Variants in MTA3 observed in about 807,000 individuals in gnomAD.
MTA3 encodes metastasis associated 1 family member 3.
MTA3 carries 34 observed loss-of-function variants against 83.5 expected under a neutral mutation model. The ratio of observed to expected loss-of-function variants is 0.41; its 90% CI spans 0.31 to 0.54. The LOEUF (loss-of-function observed/expected upper bound fraction) is 0.54. MTA3 is among the 20% of genes least tolerant of loss of function. MTA3 has a pLI of 0.33. For synonymous variants in MTA3, 303 were observed against 252.7 expected, an observed-to-expected ratio of 1.20 and a Z score of -1.89; for missense variants, 761 against 726.4, an observed-to-expected ratio of 1.05 and a Z score of -0.55.
intron 4 of MTA3, among the ~76,000 whole-genome samples, chr2:42,627,129 T>C (rs555559705): frequency 2.0e-5 from 3 of 152,180 alleles, no homozygotes; most frequent in East Asian, 1.9e-4. Context: ...TAGGCTGGAG[T>C]GCAGTGGCAC....
In MTA3 at chr2:42,756,592, C is replaced by G; in HGVS notation, c.*3193C>G. ...GCTGCCCCGTGGGTGTTTGGAGATT[C>G]TGTTTTACTCTGCCTAGAGAGGAAA... On this transcript the variant is annotated 3_prime_UTR_variant, in exon 17 of 17. Transcript: ENST00000405094. 1.0e-6 allele frequency: 1 copy of G among 985,628 alleles called. No individual in the cohort carries two copies. The highest frequency in any genetic ancestry group is 1.2e-6 in the Non-Finnish European group (1 of 830,066). The allele number at this position is 985,628 out of a possible 1,614,324, so 61.1% of individuals were successfully genotyped here.
chr2:42,602,891 T>C (rs765736010), intron 3 of MTA3, among the ~76,000 whole-genome samples: 82 of 152,294 alleles, frequency 5.4e-4, no homozygotes, highest in Non-Finnish European at 9.3e-4. Flanking sequence ...CCGTTCAGAC[T>C]GATTTCTTCA....
intron 9 of MTA3, among the ~76,000 whole-genome samples, chr2:42,691,785 A>T (rs970785698): frequency 7.2e-5 from 11 of 152,158 alleles, no homozygotes; most frequent in Admixed American, 6.5e-5. Context: ...TTTTCACTGG[A>T]TATACTATTC....
At chr2:42,741,192 CCT>C (rs1669003198) in intron 16 of MTA3, among the ~76,000 whole-genome samples, 1 of 152,344 alleles carries the variant, frequency 6.6e-6, no homozygotes, top group South Asian at 2.1e-4. Context: ...AGCTTCCTCA[CCT>C]CTCTCAGTCT....
chr2:42,519,031 G>T (rs965977253), intron 2 of MTA3, among the ~76,000 whole-genome samples: 1 of 126,150 alleles, frequency 7.9e-6, no homozygotes, highest in African/African-American at 2.9e-5. Context: ...ACACACACAC[G>T]AATATAGTAT....
At chr2:42,709,396 A>G in intron 14 of MTA3, 1 of 941,946 alleles carries the variant, frequency 1.1e-6, no homozygotes, top group Non-Finnish European at 1.4e-6. Context: ...TTGCCTGCAG[A>G]GCCCTTATTG....
At position 42,572,053 on chromosome 2, in the gene MTA3, G is replaced by A. The variant is rs1475256512; in HGVS notation, c.96+1549G>A. ...AGCACTTTGGGAGGCCAAGGCAGGCGGATCACGGGGTCAGGAGATCGAGAC... is the reference window on the plus strand; with the variant it reads ...AGCACTTTGGGAGGCCAAGGCAGGCAGATCACGGGGTCAGGAGATCGAGAC... On this transcript the variant is annotated intron_variant, in intron 2 of 16. Transcript: ENST00000405094. Among the ~76,000 whole-genome samples the A allele has an allele frequency of 7.9e-5, 12 of 152,198 alleles. No homozygotes were observed. The East Asian group carries it at 9.6e-4, about 12-fold the overall frequency.
At chr2:42,650,432 GTTTT>G (rs1688604253) in intron 6 of MTA3, among the ~76,000 whole-genome samples, 1 of 151,552 alleles carries the variant, frequency 6.6e-6, no homozygotes, top group African/African-American at 2.4e-5. Flanking sequence ...TTTGTTTGGG[GTTTT>G]TTTGTTTTTT....
chr2:42,689,100 T>C (rs1358790558), intron 9 of MTA3, among the ~76,000 whole-genome samples: 2 of 152,194 alleles, frequency 1.3e-5, no homozygotes, highest in East Asian at 1.9e-4. Flanking sequence ...TTATGGAATG[T>C]TTATCTCTTT....
intron 4 of MTA3, among the ~76,000 whole-genome samples, chr2:42,610,058 C>T (rs1384794900): frequency 1.3e-5 from 2 of 152,116 alleles, no homozygotes; most frequent in East Asian, 3.9e-4. Context: ...TGACATCGTG[C>T]CACTGCACTC....
At chr2:42,711,847 G>A (rs867433346) in intron 14 of MTA3, among the ~76,000 whole-genome samples, 1 of 146,540 alleles carries the variant, frequency 6.8e-6, no homozygotes, top group African/African-American at 2.6e-5. Flanking sequence ...TTTCTCAAAG[G>A]CAGTGTTAGG....
At chr2:42,606,952 G>T (rs1043904928) in intron 3 of MTA3, among the ~76,000 whole-genome samples, 1 of 150,298 alleles carries the variant, frequency 6.7e-6, no homozygotes, top group East Asian at 2.0e-4. Context: ...GCCTGCAATC[G>T]CAGGCATTCG....
chr2:42,684,785 G>C (rs1208239594), intron 9 of MTA3, among the ~76,000 whole-genome samples: 2 of 152,198 alleles, frequency 1.3e-5, no homozygotes, highest in African/African-American at 4.8e-5. Context: ...TATTTACTGA[G>C]TACCTGTAAC....
intron 9 of MTA3, among the ~76,000 whole-genome samples, chr2:42,695,390 T>A (rs1468980642): frequency 6.6e-6 from 1 of 151,968 alleles, no homozygotes; most frequent in East Asian, 1.9e-4. Context: ...ATCTCAGCAC[T>A]TTGGGAGGCC....
chr2:42,667,010 TAC>T (rs1448905344), intron 8 of MTA3, among the ~76,000 whole-genome samples: 1 of 152,204 alleles, frequency 6.6e-6, no homozygotes, highest in East Asian at 1.9e-4. Context: ...CCCAGAGCTG[TAC>T]ACACACAGTC....
intron 16 of MTA3, among the ~76,000 whole-genome samples, chr2:42,726,562 G>A (rs1460005488): frequency 1.3e-5 from 2 of 151,760 alleles, no homozygotes; most frequent in Non-Finnish European, 2.9e-5. Context: ...GTGTCCATGT[G>A]TTCTCATTGT....
In MTA3 at chr2:42,568,645, A is replaced by AGCGACG. The variant is rs1250916320; in HGVS notation, c.-97_-92dup. ...CCCTTCCCCCCCGTGGCGAGGCAGC[A>AGCGACG]GCGACGGCGGCGGCGGCAGCGGCGG... is the stretch of plus-strand genomic sequence containing the variant. On this transcript the variant is annotated 5_prime_UTR_variant, in exon 1 of 17. Coordinates refer to ENST00000405094, the MANE Select transcript of MTA3 (RefSeq NM_001330442.2). The AGCGACG allele has an allele frequency of 1.8e-6, 1 of 548,046 alleles. No individual in the cohort carries two copies. Among genetic ancestry groups the AGCGACG allele is most frequent in the African/African-American group, 2.2e-5 (1 of 46,282 alleles). 33.9% of individuals were successfully genotyped at this position (548,046 alleles called of 1,614,324 possible). A position where few individuals can be genotyped will look rare whatever the true frequency, so the allele number is the denominator to read the frequency against.
chr2:42,752,011 C>G (rs1395280329), intron 16 of MTA3, among the ~76,000 whole-genome samples: 2 of 152,182 alleles, frequency 1.3e-5, no homozygotes, highest in African/African-American at 4.8e-5. Flanking sequence ...CAAATCTTGA[C>G]TCCTCAGCTT....
Position 42,756,397 on chromosome 2 carries a change from G to T in MTA3, c.*2998G>T. 1 of 913,742 alleles carries T rather than the reference G, an allele frequency of 1.1e-6. No homozygotes were observed. Among genetic ancestry groups the T allele is most frequent in the Non-Finnish European group, 1.3e-6 (1 of 764,604 alleles). The allele number at this position is 913,742 out of a possible 1,614,324, so 56.6% of individuals were successfully genotyped here. ...CCAGTTGGAAGCAGCTGCCCTGGGA[G>T]CCTGGGACAGGCGACCCACCGGGTC... On this transcript the variant is annotated 3_prime_UTR_variant, in exon 17 of 17. Transcript: ENST00000405094.
Sources: gnomAD v4.1 joint callset for allele counts (sites outside exome capture counted in the v4.1 genomes callset) on GRCh38, gnomAD v4.1.1 for gene constraint, MANE v1.5 for transcripts, NCBI Gene and HGNC (gene_info 2026-07-23, HGNC 2026-07-21) for gene names.